The following PRICKLE1 variants were observed in gnomAD, a reference collection of about 807,000 sequenced individuals.
PRICKLE1 encodes prickle planar cell polarity protein 1.
A neutral mutation model predicts 70.2 loss-of-function variants in PRICKLE1; 14 were observed. That is an observed-to-expected ratio of 0.20 (90% CI 0.13 to 0.31). PRICKLE1 has a LOEUF of 0.31. Among genes scored for constraint, PRICKLE1 ranks in the 10% least tolerant of loss-of-function variants. The pLI is 1.00. For synonymous variants in PRICKLE1, 357 were observed against 379.9 expected (o/e 0.94, Z 0.70); for missense variants, 821 against 1,026.2 (o/e 0.80, Z 2.73).
Position 42,458,916 on chromosome 12 carries a change from GTTT to G in PRICKLE1, c.*890_*892del, listed in dbSNP as rs1486419122. The G allele has an allele frequency of 5.2e-6, 1 of 192,190 alleles. No individual in the cohort carries two copies. Among genetic ancestry groups the G allele is most frequent in the Non-Finnish European group, 1.1e-5 (1 of 91,572 alleles). The allele number at this position is 192,190 out of a possible 1,614,324, so 11.9% of individuals were successfully genotyped here. A position where few individuals can be genotyped will look rare whatever the true frequency, so the allele number is the denominator to read the frequency against. ...CACTTGTAAGATTAATAGGGCCATA[GTTT>G]TAAAGAGTACTTACATAGCCCCACC... On this transcript the variant is annotated 3_prime_UTR_variant, in exon 8 of 8. Transcript: ENST00000345127.
intron 1 of PRICKLE1, among the ~76,000 whole-genome samples, chr12:42,475,908 T>C (rs763105124): frequency 1.3e-5 from 2 of 151,552 alleles, no homozygotes; most frequent in Non-Finnish European, 2.9e-5. Context: ...AAGACCAGCA[T>C]GGCCAACCTA....
At chr12:42,588,026 C>T (rs1392670065) in intron 1 of PRICKLE1, among the ~76,000 whole-genome samples, 1 of 151,942 alleles carries the variant, frequency 6.6e-6, no homozygotes, top group Non-Finnish European at 1.5e-5. Context: ...TCCCAAGGGG[C>T]TAGAGTCCAC....
chr12:42,532,853 T>G (rs531377294), intron 1 of PRICKLE1, among the ~76,000 whole-genome samples: 1 of 148,130 alleles, frequency 6.8e-6, no homozygotes, highest in African/African-American at 2.5e-5. Flanking sequence ...GCCGAGATCG[T>G]GTCACTGCAC....
chr12:42,510,140 G>T (rs1047783913), intron 1 of PRICKLE1, among the ~76,000 whole-genome samples: 31 of 151,792 alleles, frequency 2.0e-4, no homozygotes, highest in Admixed American at 1.2e-3. Context: ...TGTCGCCCAG[G>T]CTGGAGTGCA....
chr12:42,468,569 A>G (rs1938190361), intron 5 of PRICKLE1, 57 bp downstream of exon 5: 2 of 1,488,450 alleles, frequency 1.3e-6, no homozygotes, highest in Admixed American at 3.3e-5. Flanking sequence ...AAACAGTGGA[A>G]TATTGGCTTA....
chr12:42,460,747 A>T, intron 7 of PRICKLE1, 82 bp from the exon 8 acceptor site: 2 of 1,518,278 alleles, frequency 1.3e-6, no homozygotes, highest in Non-Finnish European at 1.8e-6. Context: ...CTGAAAGGAA[A>T]TATTTCAAAG....
chr12:42,578,106 C>A (rs1160367889), intron 1 of PRICKLE1, among the ~76,000 whole-genome samples: 1 of 152,134 alleles, frequency 6.6e-6, no homozygotes, highest in Non-Finnish European at 1.5e-5. Flanking sequence ...TAATAAAGAA[C>A]CCCCAAGTTG....
intron 1 of PRICKLE1, among the ~76,000 whole-genome samples, chr12:42,473,769 C>T (rs1330966855): frequency 6.6e-6 from 1 of 151,566 alleles, no homozygotes; most frequent in Admixed American, 6.6e-5. Flanking sequence ...TACACACTGA[C>T]ATGTCAGACT....
intron 1 of PRICKLE1, among the ~76,000 whole-genome samples, chr12:42,537,873 A>G (rs1409885632): frequency 1.3e-5 from 2 of 152,252 alleles, no homozygotes; most frequent in African/African-American, 4.8e-5. Context: ...ACAATCGTGT[A>G]ACAGTAATAC....
intron 1 of PRICKLE1, among the ~76,000 whole-genome samples, chr12:42,532,858 C>G (rs1939945154): frequency 6.8e-6 from 1 of 148,126 alleles, no homozygotes; most frequent in African/African-American, 2.5e-5. Context: ...GATCGTGTCA[C>G]TGCACTCCAG....
At chr12:42,481,233 T>C (rs1938781262) in intron 1 of PRICKLE1, among the ~76,000 whole-genome samples, 1 of 152,212 alleles carries the variant, frequency 6.6e-6, no homozygotes, top group South Asian at 2.1e-4. Context: ...CTATTATTCA[T>C]AATTTTCTTG....
rs1938061004 is a variant in PRICKLE1, at chr12:42,465,507, T to C, written c.776-249A>G. ...GGTCATTCGCAGATGTGCAGAGTGG[T>C]AAAAATACGAACTGAACCAACATGC... On this transcript the variant is annotated intron_variant, in intron 6 of 7. Transcript: ENST00000345127. 4 of 518,746 alleles carry C rather than the reference T, an allele frequency of 7.7e-6. No homozygotes were observed. In the South Asian group the frequency reaches 9.1e-5, roughly 12 times the overall value. 32.1% of individuals were successfully genotyped at this position (518,746 alleles called of 1,614,324 possible). A position where few individuals can be genotyped will look rare whatever the true frequency, so the allele number is the denominator to read the frequency against.
chr12:42,460,847 T>C (rs1407664406), intron 7 of PRICKLE1, 182 bp from the exon 8 acceptor site: 1 of 698,586 alleles, frequency 1.4e-6, no homozygotes, highest in Non-Finnish European at 2.4e-6. Flanking sequence ...ATGCAGTTAT[T>C]GTTATAAGGG....
At chr12:42,537,732 T>C (rs995291017) in intron 1 of PRICKLE1, among the ~76,000 whole-genome samples, 2 of 152,236 alleles carry the variant, frequency 1.3e-5, no homozygotes, top group South Asian at 4.1e-4. Context: ...TCTCCTCCTT[T>C]GTGGAACCAC....
chr12:42,530,264 T>C (rs2120539097), intron 1 of PRICKLE1, among the ~76,000 whole-genome samples: 1 of 152,126 alleles, frequency 6.6e-6, no homozygotes, highest in African/African-American at 2.4e-5. Flanking sequence ...AATTTTCAAG[T>C]TGGATTAAAT....
rs116251989 is a variant in PRICKLE1 at position 42,526,185 on chromosome 12, C to T, written c.-48-53621G>A. ...AAAACTCAGGCCAGAGGTGCATTCACGATTCATGGGTATTTCTTGGCACTT... is the reference window on the plus strand; with the variant it reads ...AAAACTCAGGCCAGAGGTGCATTCATGATTCATGGGTATTTCTTGGCACTT... On this transcript the variant is annotated intron_variant, in intron 1 of 7. Coordinates refer to ENST00000345127, the MANE Select transcript of PRICKLE1 (RefSeq NM_153026.3). Among the ~76,000 whole-genome samples the T allele has an allele frequency of 8.1e-3, 1,232 of 152,168 alleles. 17 individuals carry two copies. The highest frequency in any genetic ancestry group is 0.028 in the African/African-American group (1,181 of 41,502).
chr12:42,531,043 CTTTTTTTT>C (rs141334021), intron 1 of PRICKLE1, among the ~76,000 whole-genome samples: 35 of 100,124 alleles, frequency 3.5e-4, no homozygotes, highest in Non-Finnish European at 4.3e-4. Context: ...ATGTTAAGGG[CTTTTTTTT>C]TTTTTTTTTT....
Position 42,587,521 on chromosome 12 carries a change from T to C in PRICKLE1, c.-49+1944A>G, listed in dbSNP as rs541725755. Among the ~76,000 whole-genome samples, 6 of 152,394 alleles carry C rather than the reference T, an allele frequency of 3.9e-5. No individual in the cohort carries two copies. In the South Asian group the frequency reaches 1.2e-3, roughly 32 times the overall value. On this transcript the variant is annotated intron_variant, in intron 1 of 7. Coordinates refer to ENST00000345127, the MANE Select transcript of PRICKLE1 (RefSeq NM_153026.3). ...TTTCGGTTTTAATATGTAGAGCACA[T>C]GCATTGTTAACCTCTAAATCCTTTG...
At chr12:42,470,422 C>T in intron 2 of PRICKLE1, 63 bp from the exon 3 acceptor site, 2 of 1,140,730 alleles carry the variant, frequency 1.8e-6, no homozygotes, top group Non-Finnish European at 2.7e-6. Context: ...CTCACTTAAT[C>T]TTTAAAAGTT....
Sources: allele counts gnomAD v4.1 joint callset (sites outside exome capture counted in the v4.1 genomes callset), GRCh38; gene constraint gnomAD v4.1.1; transcripts MANE v1.5; gene names NCBI Gene and HGNC (gene_info 2026-07-23, HGNC 2026-07-21).